Variants in STIM2 observed in about 807,000 individuals in gnomAD.
STIM2 encodes stromal interaction molecule 2.
A neutral mutation model predicts 85.8 loss-of-function variants in STIM2; 31 were observed. The ratio of observed to expected loss-of-function variants is 0.36; its 90% CI spans 0.27 to 0.49. The LOEUF (loss-of-function observed/expected upper bound fraction) is 0.49, where lower values mean the gene tolerates loss of function less well. Among genes scored for constraint, STIM2 ranks in the 20% least tolerant of loss-of-function variants. The pLI is 0.98. For synonymous variants in STIM2, 356 were observed against 331.1 expected, an observed-to-expected ratio of 1.08 and a Z score of -0.82; for missense variants, 841 against 927.6, an observed-to-expected ratio of 0.91 and a Z score of 1.21.
chr4:26,912,221 A>C (rs1023336609), intron 1 of STIM2, among the ~76,000 whole-genome samples: 22 of 152,204 alleles, frequency 1.4e-4, no homozygotes, highest in Non-Finnish European at 2.9e-4. Context: ...TTCACTAAAT[A>C]GTTGCCAGCG....
In STIM2 at chr4:26,999,353, T is replaced by G; in HGVS notation, c.625+6T>G. On this transcript the variant is annotated splice_donor_region_variant and intron_variant, in intron 5 of 11. Transcript: ENST00000467087. ...TTTGTTTGGACCTCTAACACGTTAG[T>G]ATTCTCTCTCACTCAGAGGATGATG... The G allele has an allele frequency of 6.4e-7, 1 of 1,571,248 alleles. No homozygotes were observed. The highest frequency in any genetic ancestry group is 8.7e-7 in the Non-Finnish European group (1 of 1,150,168).
chr4:26,919,271 T>G (rs1218532201), intron 1 of STIM2, among the ~76,000 whole-genome samples: 1 of 152,190 alleles, frequency 6.6e-6, no homozygotes, highest in East Asian at 1.9e-4. Context: ...AGTACTGACA[T>G]AACTCCTGGT....
intron 3 of STIM2, among the ~76,000 whole-genome samples, chr4:26,984,421 C>T (rs1166849097): frequency 6.6e-6 from 1 of 152,198 alleles, no homozygotes. Context: ...AATGCAGTAG[C>T]GTGATCTCGG....
intron 2 of STIM2, among the ~76,000 whole-genome samples, chr4:26,955,713 T>G (rs889644297): frequency 6.9e-6 from 1 of 144,552 alleles, no homozygotes; most frequent in Non-Finnish European, 1.5e-5. Context: ...TTTCAAACTT[T>G]TGATGACGAA....
chr4:26,995,243 T>C lies in STIM2; in HGVS notation c.398-136T>C, dbSNP rs142552917. 1.2e-3 allele frequency: 536 copies of C among 451,866 alleles called. 3 individuals carry two copies. Among genetic ancestry groups the C allele is most frequent in the African/African-American group, 0.01 (501 of 48,910 alleles). 28.0% of individuals were successfully genotyped at this position (451,866 alleles called of 1,614,324 possible). ...AGGCTTTCTTCTTCTCATAGAGTGC[T>C]AGATACAGTTTTGGTACTTAATGTT... On this transcript the variant is annotated intron_variant, in intron 3 of 11. Transcript: ENST00000467087.
At chr4:26,915,336 G>A (rs775039203) in intron 1 of STIM2, among the ~76,000 whole-genome samples, 17 of 152,164 alleles carry the variant, frequency 1.1e-4, no homozygotes, top group Admixed American at 2.0e-4. Context: ...CCAAGGTCAA[G>A]CGATTCTCCT....
chr4:26,879,029 T>A (rs1183915037), intron 1 of STIM2, among the ~76,000 whole-genome samples: 1 of 152,256 alleles, frequency 6.6e-6, no homozygotes, highest in East Asian at 1.9e-4. Context: ...ACCATCTAAC[T>A]TTTGACGTTA....
At chr4:26,871,180 A>G (rs748455256) in intron 1 of STIM2, among the ~76,000 whole-genome samples, 1 of 152,138 alleles carries the variant, frequency 6.6e-6, no homozygotes, top group Non-Finnish European at 1.5e-5. Context: ...TGTATGTTTC[A>G]TCCAATTTAA....
chr4:26,912,551 A>G (rs1724384294), intron 1 of STIM2, among the ~76,000 whole-genome samples: 1 of 152,206 alleles, frequency 6.6e-6, no homozygotes, highest in Non-Finnish European at 1.5e-5. Context: ...CATTTGATGC[A>G]TTTTGTAATT....
At chr4:27,016,179 A>G (rs1728725303) in intron 10 of STIM2, among the ~76,000 whole-genome samples, 1 of 151,896 alleles carries the variant, frequency 6.6e-6, no homozygotes, top group South Asian at 2.1e-4. Flanking sequence ...CTATGTTTTA[A>G]TGCTTTCTTT....
intron 1 of STIM2, among the ~76,000 whole-genome samples, chr4:26,863,694 T>G (rs1054555822): frequency 6.6e-6 from 1 of 152,106 alleles, no homozygotes; most frequent in Non-Finnish European, 1.5e-5. Flanking sequence ...GCAGCGTTAA[T>G]GGATAGAGAT....
At chr4:26,937,051 G>A (rs1725419405) in intron 2 of STIM2, among the ~76,000 whole-genome samples, 1 of 152,082 alleles carries the variant, frequency 6.6e-6, no homozygotes, top group African/African-American at 2.4e-5. Context: ...ACCTCTCAAA[G>A]TGTTAGAATT....
chr4:26,981,783 C>T (rs1030499498), intron 3 of STIM2, among the ~76,000 whole-genome samples: 12 of 152,100 alleles, frequency 7.9e-5, no homozygotes, highest in African/African-American at 2.9e-4. Context: ...CATTGTTAGA[C>T]CCAGGTTATG....
At chr4:26,956,570 C>G (rs753177650) in intron 2 of STIM2, among the ~76,000 whole-genome samples, 4 of 151,540 alleles carry the variant, frequency 2.6e-5, no homozygotes, top group Non-Finnish European at 5.9e-5. Context: ...CAGCCTATCT[C>G]TCTCTATATT....
intron 2 of STIM2, among the ~76,000 whole-genome samples, chr4:26,938,556 G>C (rs552101203): frequency 1.7e-4 from 26 of 152,250 alleles, no homozygotes; most frequent in African/African-American, 6.3e-4. Context: ...TAGCCTGCAG[G>C]AAGTTCTCCA....
chr4:27,015,246 T>A (rs992486786), intron 10 of STIM2, among the ~76,000 whole-genome samples: 4 of 152,038 alleles, frequency 2.6e-5, no homozygotes, highest in Non-Finnish European at 4.4e-5. Flanking sequence ...TCTTGAACAA[T>A]TCAGGATCTT....
At chr4:26,895,580 C>T (rs1367865649) in intron 1 of STIM2, among the ~76,000 whole-genome samples, 1 of 151,966 alleles carries the variant, frequency 6.6e-6, no homozygotes. Flanking sequence ...ATGGAAGAAA[C>T]TTTTTTTTAT....
At position 26,861,276 on chromosome 4, in the gene STIM2, C is replaced by A; in HGVS notation, c.58C>A (p.Arg20=). 6.8e-7 allele frequency: 1 copy of A among 1,463,786 alleles called. No individual in the cohort carries two copies. Among genetic ancestry groups the A allele is most frequent in the Non-Finnish European group, 9.0e-7 (1 of 1,112,626 alleles). 90.7% of individuals were successfully genotyped at this position (1,463,786 alleles called of 1,614,324 possible). Residue 20 remains arginine, a synonymous_variant, in exon 1 of 12, where the codon CGG becomes AGG. Coordinates refer to ENST00000467087, the MANE Select transcript of STIM2 (RefSeq NM_020860.4). ...GGCGGACGGATGCGAGCTTGTGCCC[C>A]GGCACCTCCGCGGGCGGCGGGCGAC...
At position 26,954,696 on chromosome 4, in the gene STIM2, C is replaced by T. The variant is rs568476484; in HGVS notation, c.283-2916C>T. Reference sequence around the variant, plus strand: ...ATTATATGCTTTTTTCTTTAGGATACTGGGAAAAGGTTCCATAGAACCTGA... The same window carrying T: ...ATTATATGCTTTTTTCTTTAGGATATTGGGAAAAGGTTCCATAGAACCTGA... On this transcript the variant is annotated intron_variant, in intron 2 of 11. Coordinates refer to ENST00000467087, the MANE Select transcript of STIM2 (RefSeq NM_020860.4). 1.2e-4 allele frequency among the ~76,000 whole-genome samples: 18 copies of T among 147,918 alleles called. No homozygotes were observed. The East Asian group carries it at 3.5e-3, about 29-fold the overall frequency.
Sources: gnomAD v4.1 joint callset for allele counts (sites outside exome capture counted in the v4.1 genomes callset) on GRCh38, gnomAD v4.1.1 for gene constraint, MANE v1.5 for transcripts, NCBI Gene and HGNC (gene_info 2026-07-23, HGNC 2026-07-21) for gene names.